Variants in EXOC6B observed in about 807,000 individuals in gnomAD.
EXOC6B encodes the protein exocyst complex component 6B.
Under a neutral mutation model 113.5 loss-of-function variants are expected in EXOC6B, and 54 were observed. That is an observed-to-expected ratio of 0.48 (90% confidence interval 0.38 to 0.60). The LOEUF (loss-of-function observed/expected upper bound fraction) is 0.60, where lower values mean the gene tolerates loss of function less well. Among genes scored for constraint, EXOC6B ranks in the 20% least tolerant of loss-of-function variants. The probability of loss-of-function intolerance (pLI) is 0.00; values close to 1 mark genes in which losing one functional copy is unlikely to be tolerated. For missense variants in EXOC6B, 797 were observed against 977.5 expected, an observed-to-expected ratio of 0.82 and a Z score of 2.46; for synonymous variants, 357 against 339.0, an observed-to-expected ratio of 1.05 and a Z score of -0.58.
At chr2:72,199,863 G>A (rs1278093030) in intron 20 of EXOC6B, among the ~76,000 whole-genome samples, 1 of 152,118 alleles carries the variant, frequency 6.6e-6, no homozygotes, top group Non-Finnish European at 1.5e-5. Flanking sequence ...TTTGGTAGCT[G>A]CAGACATATT....
chr2:72,496,105 T>C (rs940822218), intron 14 of EXOC6B, among the ~76,000 whole-genome samples: 8 of 152,188 alleles, frequency 5.3e-5, no homozygotes, highest in Non-Finnish European at 8.8e-5. Context: ...GTGTAAATTT[T>C]ATGTTGTGGG....
intron 6 of EXOC6B, among the ~76,000 whole-genome samples, chr2:72,656,228 A>C (rs557973013): frequency 1.1e-3 from 163 of 152,272 alleles, no homozygotes; most frequent in Non-Finnish European, 1.9e-3. Context: ...CACAAAGCCC[A>C]CGAACAGCCG....
At chr2:72,229,281 A>G (rs1356811040) in intron 20 of EXOC6B, among the ~76,000 whole-genome samples, 1 of 152,154 alleles carries the variant, frequency 6.6e-6, no homozygotes, top group Admixed American at 6.5e-5. Flanking sequence ...CTACATTTGA[A>G]ATAGGGAGAC....
chr2:72,285,864 C>T (rs1244670661), intron 20 of EXOC6B, among the ~76,000 whole-genome samples: 6 of 152,006 alleles, frequency 3.9e-5, no homozygotes, highest in Non-Finnish European at 5.9e-5. Flanking sequence ...GATATCATGG[C>T]ATAAAATAAG....
At position 72,823,484 on chromosome 2, in the gene EXOC6B, AAC is replaced by A. The variant is rs1378595053; in HGVS notation, c.113+2312_113+2313del. Reference sequence around the variant, plus strand: ...GAAAAAAAAAAAAAAAAAAACAAAAAACAAAAAAAAAGACAGTGGCCAGGCAC... The same window carrying A: ...GAAAAAAAAAAAAAAAAAAACAAAAAAAAAAAAAAGACAGTGGCCAGGCAC... On this transcript the variant is annotated intron_variant, in intron 1 of 21. Transcript: ENST00000272427. Among the ~76,000 whole-genome samples, 99 of 137,674 alleles carry A rather than the reference AAC, an allele frequency of 7.2e-4. 11 individuals carry two copies. The highest frequency in any genetic ancestry group is 2.3e-3 in the African/African-American group (84 of 35,922). The allele number at this position is 137,674 out of a possible 152,430, so 90.3% of individuals were successfully genotyped here.
intron 17 of EXOC6B, among the ~76,000 whole-genome samples, chr2:72,478,876 C>T (rs1698908219): frequency 6.6e-6 from 1 of 152,178 alleles, no homozygotes; most frequent in Non-Finnish European, 1.5e-5. Flanking sequence ...ATTTCTTTTA[C>T]ATTTTCTTTC....
chr2:72,625,094 T>G (rs1485417366), intron 6 of EXOC6B, among the ~76,000 whole-genome samples: 1 of 151,820 alleles, frequency 6.6e-6, no homozygotes. Context: ...TTTGTTTTGT[T>G]TTTTGTTTGC....
At chr2:72,615,658 T>C (rs979139390) in intron 6 of EXOC6B, among the ~76,000 whole-genome samples, 17 of 151,380 alleles carry the variant, frequency 1.1e-4, no homozygotes, top group African/African-American at 3.9e-4. Flanking sequence ...ATGTATAGTA[T>C]GTAATGTTTA....
chr2:72,523,462 G>A (rs1701592302), intron 8 of EXOC6B, among the ~76,000 whole-genome samples: 1 of 152,156 alleles, frequency 6.6e-6, no homozygotes, highest in South Asian at 2.1e-4. Flanking sequence ...CAGGCAGAAA[G>A]GGACAGACCT....
At chr2:72,602,573 C>T (rs1007394605) in intron 6 of EXOC6B, among the ~76,000 whole-genome samples, 1 of 152,132 alleles carries the variant, frequency 6.6e-6, no homozygotes, top group Non-Finnish European at 1.5e-5. Flanking sequence ...TAATAGATGG[C>T]TTATATAGAA....
intron 6 of EXOC6B, among the ~76,000 whole-genome samples, chr2:72,684,544 A>G (rs1676947089): frequency 6.6e-6 from 1 of 152,220 alleles, no homozygotes; most frequent in Admixed American, 6.5e-5. Flanking sequence ...AGCTTTATTC[A>G]TAATAGCCCC....
intron 1 of EXOC6B, among the ~76,000 whole-genome samples, chr2:72,816,153 C>T (rs1355423084): frequency 1.3e-5 from 2 of 151,970 alleles, no homozygotes; most frequent in Admixed American, 1.3e-4. Context: ...AGCAAGACTC[C>T]GTCTCAAAAA....
intron 18 of EXOC6B, among the ~76,000 whole-genome samples, chr2:72,443,538 T>C (rs1280706090): frequency 6.6e-6 from 1 of 152,126 alleles, no homozygotes; most frequent in African/African-American, 2.4e-5. Context: ...TTACAACATG[T>C]ATTAGTTCAT....
intron 19 of EXOC6B, among the ~76,000 whole-genome samples, chr2:72,361,778 T>A (rs192261173): frequency 1.3e-5 from 2 of 152,180 alleles, no homozygotes; most frequent in African/African-American, 4.8e-5. Flanking sequence ...GTCAGCTATA[T>A]CACAAACCTG....
chr2:72,223,260 T>C (rs1208954878), intron 20 of EXOC6B, among the ~76,000 whole-genome samples: 1 of 152,166 alleles, frequency 6.6e-6, no homozygotes, highest in Non-Finnish European at 1.5e-5. Context: ...ACACAAAGAC[T>C]CATTCAGCTT....
chr2:72,462,607 G>A (rs1353912809), intron 18 of EXOC6B: 1 of 152,054 alleles, frequency 6.6e-6, no homozygotes, highest in East Asian at 1.9e-4. Context: ...TAAGGATACA[G>A]AGGTGCCATT....
intron 6 of EXOC6B, among the ~76,000 whole-genome samples, chr2:72,645,649 G>T (rs947453467): frequency 6.6e-6 from 1 of 152,060 alleles, no homozygotes; most frequent in Non-Finnish European, 1.5e-5. Flanking sequence ...ACTCAAAACC[G>T]CACAACTACA....
At chr2:72,182,865 GA>G in intron 21 of EXOC6B, 3 of 1,228,158 alleles carry the variant, frequency 2.4e-6, no homozygotes, top group South Asian at 4.1e-5. Flanking sequence ...CAAAGTGATG[GA>G]AAAGGCCCAA....
At chr2:72,537,020 A>G (rs1177243204) in intron 8 of EXOC6B, among the ~76,000 whole-genome samples, 27 of 152,242 alleles carry the variant, frequency 1.8e-4, no homozygotes, top group Admixed American at 1.7e-3. Context: ...GTTAATTTCT[A>G]TGTAACCTCT....
Sources: allele counts gnomAD v4.1 joint callset (sites outside exome capture counted in the v4.1 genomes callset), GRCh38; gene constraint gnomAD v4.1.1; transcripts MANE v1.5; gene names NCBI Gene and HGNC (gene_info 2026-07-23, HGNC 2026-07-21).